Variants in KIF20B observed in about 807,000 individuals in gnomAD.
KIF20B encodes the protein kinesin family member 20B, also known as kinesin-like protein KIF20B.
KIF20B carries 188 observed loss-of-function variants against 232.5 expected under a neutral mutation model. The ratio of observed to expected loss-of-function variants is 0.81; its 90% CI spans 0.72 to 0.91. The LOEUF is 0.91. KIF20B is among the 40% of genes least tolerant of loss of function. KIF20B has a pLI of 0.00. For synonymous variants in KIF20B, 712 were observed against 683.0 expected (o/e 1.04, Z -0.66); for missense variants, 2,154 against 2,055.9 (o/e 1.05, Z -0.92).
At chr10:89,723,273 ATATG>A (rs1221760314) in intron 13 of KIF20B, among the ~76,000 whole-genome samples, 4 of 152,226 alleles carry the variant, frequency 2.6e-5, no homozygotes, top group African/African-American at 7.2e-5. Context: ...ATTAAAAAGA[ATATG>A]TAGCTGTTTC....
chr10:89,703,300 T>C (rs1190060775), intron 1 of KIF20B, among the ~76,000 whole-genome samples: 1 of 152,148 alleles, frequency 6.6e-6, no homozygotes, highest in African/African-American at 2.4e-5. Context: ...AAGTCAACTA[T>C]GTTCTTGTGA....
chr10:89,704,570 T>G (rs1842683852), intron 1 of KIF20B, among the ~76,000 whole-genome samples: 1 of 152,116 alleles, frequency 6.6e-6, no homozygotes, highest in South Asian at 2.1e-4. Flanking sequence ...TTTTGTTTTT[T>G]TTTTTTGACG....
chr10:89,705,210 G>A, intron 1 of KIF20B, 84 bp from the exon 2 acceptor site: 3 of 1,118,894 alleles, frequency 2.7e-6, no homozygotes, highest in Non-Finnish European at 4.0e-6. Context: ...TTGGAGGGAA[G>A]TAGTGGGCTA....
At position 89,760,640 on chromosome 10, in the gene KIF20B, G is replaced by A; in HGVS notation, c.4791+4G>A. The A allele has an allele frequency of 6.6e-7, 1 of 1,514,278 alleles. No individual in the cohort carries two copies. The highest frequency in any genetic ancestry group is 1.1e-5 in the South Asian group (1 of 88,928). The allele number at this position is 1,514,278 out of a possible 1,614,324, so 93.8% of individuals were successfully genotyped here. On this transcript the variant is annotated splice_donor_region_variant and intron_variant, in intron 28 of 32. Transcript: ENST00000371728. Reference sequence around the variant, plus strand: ...AATTTCCAGAAATAAAATAGAGGTGGGTATTTGGCAGCACAGTCCACTTAT... The same window carrying A: ...AATTTCCAGAAATAAAATAGAGGTGAGTATTTGGCAGCACAGTCCACTTAT...
At chr10:89,754,793 C>T (rs1589878157) in intron 26 of KIF20B, 120 bp downstream of exon 26, 3 of 633,498 alleles carry the variant, frequency 4.7e-6, no homozygotes, top group East Asian at 3.2e-5. Flanking sequence ...GGCAGGTTGT[C>T]ATCTTTATAA....
chr10:89,712,104 C>G (rs1178302938), intron 6 of KIF20B, among the ~76,000 whole-genome samples: 2 of 150,964 alleles, frequency 1.3e-5, no homozygotes, highest in African/African-American at 4.9e-5. Flanking sequence ...GTCCATTTAT[C>G]TAGTATTGTA....
At chr10:89,755,604 C>T (rs940797158) in intron 26 of KIF20B, among the ~76,000 whole-genome samples, 4 of 150,962 alleles carry the variant, frequency 2.6e-5, no homozygotes, top group African/African-American at 9.7e-5. Flanking sequence ...TTTCTTTCCT[C>T]TTTTAAAGAG....
At chr10:89,728,451 T>G (rs1015141125) in intron 17 of KIF20B, among the ~76,000 whole-genome samples, 2 of 152,182 alleles carry the variant, frequency 1.3e-5, no homozygotes, top group Non-Finnish European at 2.9e-5. Flanking sequence ...TATTAACTCA[T>G]TTAAATGTTA....
chr10:89,721,235 T>C (rs1377645956), intron 13 of KIF20B, among the ~76,000 whole-genome samples: 3 of 152,226 alleles, frequency 2.0e-5, no homozygotes, highest in African/African-American at 7.2e-5. Context: ...AAAGCAATTA[T>C]TGAACATATG....
chr10:89,711,813 T>G (rs1464614058), intron 6 of KIF20B, among the ~76,000 whole-genome samples: 2 of 152,200 alleles, frequency 1.3e-5, no homozygotes, highest in Non-Finnish European at 2.9e-5. Context: ...AACTTGTTTT[T>G]TTAAATTTTA....
intron 23 of KIF20B, among the ~76,000 whole-genome samples, chr10:89,747,579 C>T (rs1387906716): frequency 1.3e-5 from 2 of 151,576 alleles, no homozygotes; most frequent in Admixed American, 1.3e-4. Context: ...AGTTCATGTC[C>T]TTTGTAGGGA....
chr10:89,744,186 A>G (rs1167769366), intron 22 of KIF20B, among the ~76,000 whole-genome samples: 1 of 152,156 alleles, frequency 6.6e-6, no homozygotes, highest in African/African-American at 2.4e-5. Flanking sequence ...AGCAGATACC[A>G]CTTTAACCAA....
intron 26 of KIF20B, among the ~76,000 whole-genome samples, chr10:89,754,959 C>G (rs916258893): frequency 6.6e-6 from 1 of 152,158 alleles, no homozygotes; most frequent in African/African-American, 2.4e-5. Context: ...AGAGTATTCC[C>G]TATTATATTT....
chr10:89,746,759 T>C (rs1411122323), intron 23 of KIF20B, among the ~76,000 whole-genome samples: 1 of 152,212 alleles, frequency 6.6e-6, no homozygotes, highest in African/African-American at 2.4e-5. Flanking sequence ...GTACTAAAAT[T>C]ACAAAACAGG....
At chr10:89,756,470 TC>T (rs1273818703) in intron 26 of KIF20B, among the ~76,000 whole-genome samples, 51 of 152,334 alleles carry the variant, frequency 3.3e-4, no homozygotes, top group African/African-American at 1.2e-3. Flanking sequence ...CTCATATGTT[TC>T]TTTATAATCA....
rs1842082906 is a variant in KIF20B at position 89,754,576 on chromosome 10, T to C, written c.4406T>C (p.Leu1469Pro). The C allele has an allele frequency of 6.2e-7, 1 of 1,606,380 alleles. No individual in the cohort carries two copies. The highest frequency in any genetic ancestry group is 1.3e-5 in the African/African-American group (1 of 74,718). The change falls in exon 26 of 33, where the codon CTT becomes CCT. Residue 1469 changes from leucine to proline, a missense_variant. By Grantham distance (98) the Leu-to-Pro change is moderately conservative. Transcript: ENST00000371728. ...RKKWLEEKMM[L>P]ITQAKEAENI... ...AAATGGTTAGAAGAAAAAATGATGC[T>C]TATCACTCAAGCGAAAGAAGCAGAG...
chr10:89,714,474 C>CA (rs199662992), intron 7 of KIF20B, among the ~76,000 whole-genome samples: 407 of 146,970 alleles, frequency 2.8e-3, no homozygotes, highest in African/African-American at 8.7e-3. Flanking sequence ...GAAACTGTCT[C>CA]AAAAAAAAAA....
Position 89,738,439 on chromosome 10 carries a change from A to C in KIF20B, c.3598A>C (p.Asn1200His), listed in dbSNP as rs777598313. The change falls in exon 20 of 33, where the codon AAT becomes CAT. Residue 1200 changes from asparagine to histidine, a missense_variant. Physicochemically the swap from Asn to His is moderately conservative, Grantham distance 68. Transcript: ENST00000371728. ...ATCTATCATCTTAAAGCTAGAAAGA[A>C]ATTTGAAGGAATTTCAAGAACATCT... is the stretch of plus-strand genomic sequence containing the variant. The part of the protein sequence containing the change: ...KESIILKLER[N>H]LKEFQEHLQD... The C allele has an allele frequency of 6.2e-7, 1 of 1,603,318 alleles. No homozygotes were observed. The highest frequency in any genetic ancestry group is 1.1e-5 in the South Asian group (1 of 87,484).
intron 25 of KIF20B, among the ~76,000 whole-genome samples, chr10:89,754,222 T>G (rs375234050): frequency 6.6e-6 from 1 of 151,816 alleles, no homozygotes; most frequent in Admixed American, 6.6e-5. Context: ...AAGATTTGAG[T>G]CAGTTTAACT....
Sources: allele counts gnomAD v4.1 joint callset (sites outside exome capture counted in the v4.1 genomes callset), GRCh38; gene constraint gnomAD v4.1.1; transcripts MANE v1.5; gene names NCBI Gene and HGNC (gene_info 2026-07-23, HGNC 2026-07-21).